AGBL4: variants seen among roughly 807,000 people sequenced by gnomAD.
The protein encoded by AGBL4 is AGBL carboxypeptidase 4.
A neutral mutation model predicts 66.4 loss-of-function variants in AGBL4; 58 were observed. That is an observed-to-expected ratio of 0.87 (90% CI 0.71 to 1.09). The LOEUF (loss-of-function observed/expected upper bound fraction) is 1.09. Ranked by LOEUF, AGBL4 falls within the 50% of genes least tolerant of loss-of-function variation. The pLI, the probability that AGBL4 is intolerant of heterozygous loss-of-function variation, is 0.00. For synonymous variants in AGBL4, 234 were observed against 222.9 expected (o/e 1.05, Z -0.44); for missense variants, 579 against 631.0 (o/e 0.92, Z 0.88).
chr1:49,637,401 A>G (rs1645696316), intron 3 of AGBL4, among the ~76,000 whole-genome samples: 1 of 152,006 alleles, frequency 6.6e-6, no homozygotes, highest in Non-Finnish European at 1.5e-5. Context: ...CCCAGGTTCA[A>G]GCAATTCTCC....
chr1:49,984,049 A>C (rs1177146111), intron 1 of AGBL4, among the ~76,000 whole-genome samples: 2 of 152,196 alleles, frequency 1.3e-5, no homozygotes, highest in South Asian at 4.1e-4. Flanking sequence ...TAAGATACCA[A>C]ATTATATACG....
At chr1:49,907,149 G>C (rs1157385083) in intron 1 of AGBL4, among the ~76,000 whole-genome samples, 2 of 152,056 alleles carry the variant, frequency 1.3e-5, no homozygotes, top group Non-Finnish European at 2.9e-5. Context: ...ACAAGCACTT[G>C]ATCAAATATA....
At chr1:49,196,582 T>C (rs550571899) in intron 4 of AGBL4, among the ~76,000 whole-genome samples, 34 of 152,258 alleles carry the variant, frequency 2.2e-4, no homozygotes, top group African/African-American at 8.2e-4. Flanking sequence ...TGTTTTTTCA[T>C]ACTTTCTGTA....
chr1:48,758,819 T>C (rs2148655754), intron 6 of AGBL4: 2 of 1,310,762 alleles, frequency 1.5e-6, no homozygotes. Context: ...GGTCTCCCTC[T>C]CCCCTTTCCC....
intron 7 of AGBL4, among the ~76,000 whole-genome samples, chr1:48,654,127 T>C (rs2148444028): frequency 6.6e-6 from 1 of 152,318 alleles, no homozygotes. Flanking sequence ...TTTGTCTCCA[T>C]GACATTTTTC....
chr1:49,523,887 T>C (rs1377666002), intron 3 of AGBL4, among the ~76,000 whole-genome samples: 1 of 152,008 alleles, frequency 6.6e-6, no homozygotes, highest in African/African-American at 2.4e-5. Flanking sequence ...CCACAATGGC[T>C]AGCCAAGTGC....
chr1:48,885,185 T>C (rs1419852573), intron 5 of AGBL4, among the ~76,000 whole-genome samples: 1 of 152,198 alleles, frequency 6.6e-6, no homozygotes, highest in Non-Finnish European at 1.5e-5. Context: ...TTTTAAATGA[T>C]TCAAAACAGA....
intron 2 of AGBL4, among the ~76,000 whole-genome samples, chr1:49,763,291 T>A (rs1652479545): frequency 6.6e-6 from 1 of 152,216 alleles, no homozygotes; most frequent in African/African-American, 2.4e-5. Context: ...GCAGTGTATT[T>A]TAAAGTCAGG....
chr1:48,627,207 C>G (rs1645517493), intron 9 of AGBL4, among the ~76,000 whole-genome samples: 1 of 152,148 alleles, frequency 6.6e-6, no homozygotes, highest in Admixed American at 6.5e-5. Context: ...CCCCTGCTTC[C>G]CCTAAGAACA....
chr1:49,077,344 C>G (rs1571390996), intron 4 of AGBL4, among the ~76,000 whole-genome samples: 1 of 152,216 alleles, frequency 6.6e-6, no homozygotes, highest in East Asian at 1.9e-4. Flanking sequence ...ATTTAAATAA[C>G]CAAAGATACA....
chr1:48,790,674 C>A (rs1479562915), intron 6 of AGBL4, among the ~76,000 whole-genome samples: 2 of 152,142 alleles, frequency 1.3e-5, no homozygotes, highest in Non-Finnish European at 2.9e-5. Context: ...TCAAGTACAA[C>A]AGTGTAGAGA....
At chr1:48,711,152 C>G (rs559387973) in intron 6 of AGBL4, among the ~76,000 whole-genome samples, 1 of 152,290 alleles carries the variant, frequency 6.6e-6, no homozygotes, top group South Asian at 2.1e-4. Context: ...AGCCCATGGT[C>G]AGCATCCACA....
intron 4 of AGBL4, among the ~76,000 whole-genome samples, chr1:49,150,546 A>C (rs1413243334): frequency 6.6e-6 from 1 of 152,128 alleles, no homozygotes; most frequent in African/African-American, 2.4e-5. Flanking sequence ...CTACTTTCAA[A>C]ATTTGCTACA....
chr1:49,646,956 T>C (rs1161846505), intron 3 of AGBL4, among the ~76,000 whole-genome samples: 1 of 151,698 alleles, frequency 6.6e-6, no homozygotes. Context: ...AACAGTATGG[T>C]ATCCATAGAC....
At chr1:49,135,569 G>A (rs899654985) in intron 4 of AGBL4, among the ~76,000 whole-genome samples, 4 of 152,150 alleles carry the variant, frequency 2.6e-5, no homozygotes, top group Non-Finnish European at 5.9e-5. Context: ...TGTTTCTACA[G>A]ATATTAAATT....
chr1:49,943,193 G>A (rs1654922405), intron 1 of AGBL4, among the ~76,000 whole-genome samples: 1 of 152,094 alleles, frequency 6.6e-6, no homozygotes, highest in South Asian at 2.1e-4. Context: ...GTGAAGAAAA[G>A]GAAATCCTTG....
At chr1:49,427,621 T>C (rs980794947) in intron 3 of AGBL4, among the ~76,000 whole-genome samples, 2 of 152,188 alleles carry the variant, frequency 1.3e-5, no homozygotes, top group African/African-American at 4.8e-5. Flanking sequence ...GGGTTCGTGG[T>C]CTCAGTTGAC....
At chr1:49,548,460 A>G (rs536013824) in intron 3 of AGBL4, among the ~76,000 whole-genome samples, 64 of 152,130 alleles carry the variant, frequency 4.2e-4, no homozygotes, top group African/African-American at 1.5e-3. Flanking sequence ...TTGTATGCCA[A>G]TTTTGCTGAA....
At chr1:49,134,484 C>T (rs1014643821) in intron 4 of AGBL4, among the ~76,000 whole-genome samples, 1 of 122,536 alleles carries the variant, frequency 8.2e-6, no homozygotes, top group Non-Finnish European at 1.7e-5. Flanking sequence ...GGCCCCCCCC[C>T]CCCCACCCCA....
Sources: allele counts gnomAD v4.1 joint callset (sites outside exome capture counted in the v4.1 genomes callset), GRCh38; gene constraint gnomAD v4.1.1; transcripts MANE v1.5; gene names NCBI Gene and HGNC (gene_info 2026-07-23, HGNC 2026-07-21).